CDH13: variants seen among roughly 807,000 people sequenced by gnomAD.
The protein encoded by CDH13 is cadherin-13.
Under a neutral mutation model 63.8 loss-of-function variants are expected in CDH13, and 24 were observed. The ratio of observed to expected loss-of-function variants is 0.38; its 90% confidence interval spans 0.27 to 0.53. The LOEUF is 0.53. Among genes scored for constraint, CDH13 ranks in the 20% least tolerant of loss-of-function variants. The probability of loss-of-function intolerance (pLI) is 0.85; values close to 1 mark genes in which losing one functional copy is unlikely to be tolerated. For missense variants in CDH13, 1,049 were observed against 903.1 expected (o/e 1.16, Z -2.07); for synonymous variants, 503 against 355.3 (o/e 1.42, Z -4.67).
intron 5 of CDH13, among the ~76,000 whole-genome samples, chr16:83,262,929 A>T (rs1482685909): frequency 1.3e-5 from 2 of 152,218 alleles, no homozygotes; most frequent in African/African-American, 4.8e-5. Context: ...TATATTTCAA[A>T]CCAACCAGCT....
chr16:83,579,690 T>G (rs900521272), intron 7 of CDH13, among the ~76,000 whole-genome samples: 1 of 152,086 alleles, frequency 6.6e-6, no homozygotes, highest in Non-Finnish European at 1.5e-5. Flanking sequence ...AAGTGCGTAT[T>G]CAGCACCTGT....
chr16:83,583,528 A>G (rs544385224), intron 7 of CDH13, among the ~76,000 whole-genome samples: 5 of 152,324 alleles, frequency 3.3e-5, no homozygotes, highest in East Asian at 3.9e-4. Context: ...CACATGGTCA[A>G]CGATGTATAG....
intron 5 of CDH13, among the ~76,000 whole-genome samples, chr16:83,221,323 A>C (rs1472647729): frequency 6.6e-6 from 1 of 152,138 alleles, no homozygotes; most frequent in African/African-American, 2.4e-5. Context: ...CCCAGCCCCC[A>C]GAAAAACTTC....
chr16:83,225,470 T>G (rs769677958), intron 5 of CDH13, among the ~76,000 whole-genome samples: 1 of 152,200 alleles, frequency 6.6e-6, no homozygotes, highest in Non-Finnish European at 1.5e-5. Flanking sequence ...GGATGACTGT[T>G]AAATGCCATG....
chr16:83,740,640 G>T (rs1273930432), intron 10 of CDH13, among the ~76,000 whole-genome samples: 1 of 152,208 alleles, frequency 6.6e-6, no homozygotes, highest in Non-Finnish European at 1.5e-5. Context: ...GCCTCATGCA[G>T]ATGTCCACAG....
At chr16:83,094,351 A>G (rs2034085342) in intron 3 of CDH13, among the ~76,000 whole-genome samples, 1 of 152,160 alleles carries the variant, frequency 6.6e-6, no homozygotes. Flanking sequence ...AGTAACCCAC[A>G]TTATTTTCAC....
At chr16:83,599,678 C>T (rs1907596230) in intron 7 of CDH13, among the ~76,000 whole-genome samples, 3 of 152,054 alleles carry the variant, frequency 2.0e-5, no homozygotes. Flanking sequence ...ATATTGTAGG[C>T]AACCCTTAAA....
intron 5 of CDH13, among the ~76,000 whole-genome samples, chr16:83,256,951 A>G (rs1269714782): frequency 2.0e-5 from 3 of 151,616 alleles, no homozygotes; most frequent in African/African-American, 4.8e-5. Context: ...CTCGCCTGCT[A>G]TATGTTGGGG....
At chr16:82,663,000 G>C (rs111497456) in intron 1 of CDH13, among the ~76,000 whole-genome samples, 7 of 152,250 alleles carry the variant, frequency 4.6e-5, no homozygotes, top group Admixed American at 6.5e-5. Flanking sequence ...GTTTCAGAAA[G>C]GGCTAGCTGA....
intron 4 of CDH13, among the ~76,000 whole-genome samples, chr16:83,154,634 C>T (rs1209330802): frequency 1.3e-5 from 2 of 151,922 alleles, no homozygotes; most frequent in African/African-American, 4.8e-5. Context: ...AGTGTTACTG[C>T]AGCAGAATGT....
intron 1 of CDH13, among the ~76,000 whole-genome samples, chr16:82,762,979 G>A (rs1242887269): frequency 6.6e-6 from 1 of 152,136 alleles, no homozygotes; most frequent in Non-Finnish European, 1.5e-5. Context: ...AAGATTGCAA[G>A]TACAAAACAG....
At chr16:82,774,776 G>T (rs549813685) in intron 1 of CDH13, among the ~76,000 whole-genome samples, 148 of 152,252 alleles carry the variant, frequency 9.7e-4, no homozygotes, top group East Asian at 9.7e-4. Flanking sequence ...GCCTGTGAGC[G>T]GGTTTAATTC....
At chr16:82,776,210 AAAGGAAGGAAGGGATGAAGG>A (rs1177313370) in intron 1 of CDH13, among the ~76,000 whole-genome samples, 2 of 149,072 alleles carry the variant, frequency 1.3e-5, no homozygotes, top group African/African-American at 4.9e-5. Flanking sequence ...ACTGTTGAAG[AAAGGAAGGAAGGGATGAAGG>A]AAGGAAGGAA....
chr16:82,671,020 T>C (rs762614886), intron 1 of CDH13, among the ~76,000 whole-genome samples: 4 of 152,252 alleles, frequency 2.6e-5, no homozygotes, highest in African/African-American at 7.2e-5. Flanking sequence ...ATACACTATG[T>C]CAAGCACTTT....
intron 1 of CDH13, among the ~76,000 whole-genome samples, chr16:82,721,904 A>G (rs4627339): frequency 1 from 151,633 of 152,158 alleles, 75,555 homozygotes; most frequent in Middle Eastern, 1. Context: ...ATGCTGTGGC[A>G]GTGGGAATGG....
intron 6 of CDH13, among the ~76,000 whole-genome samples, chr16:83,420,971 C>G (rs146676809): frequency 1.7e-3 from 266 of 152,296 alleles, no homozygotes; most frequent in Non-Finnish European, 3.1e-3. Context: ...CTTCTTCTGC[C>G]TGCTTTGTTC....
At chr16:83,435,159 G>A (rs1463883811) in intron 6 of CDH13, among the ~76,000 whole-genome samples, 1 of 151,696 alleles carries the variant, frequency 6.6e-6, no homozygotes, top group Non-Finnish European at 1.5e-5. Flanking sequence ...TGATTCTCCT[G>A]CCTCAGCCAC....
chr16:82,849,514 A>G (rs1204084281), intron 1 of CDH13, among the ~76,000 whole-genome samples: 1 of 152,150 alleles, frequency 6.6e-6, no homozygotes. Context: ...AAAATAAATA[A>G]ATAAAATAAA....
chr16:83,713,304 G>C (rs1908346182), intron 10 of CDH13, among the ~76,000 whole-genome samples: 1 of 152,196 alleles, frequency 6.6e-6, no homozygotes, highest in Non-Finnish European at 1.5e-5. Context: ...CCACCAGGGA[G>C]CTCACCTCAT....
Sources: gnomAD v4.1 joint callset for allele counts (sites outside exome capture counted in the v4.1 genomes callset) on GRCh38, gnomAD v4.1.1 for gene constraint, MANE v1.5 for transcripts, NCBI Gene and HGNC (gene_info 2026-07-23, HGNC 2026-07-21) for gene names.